GRAMD2B: variants seen among roughly 807,000 people sequenced by gnomAD.
GRAMD2B encodes the protein GRAM domain-containing protein 2B.
Under a neutral mutation model 59.2 loss-of-function variants are expected in GRAMD2B, and 41 were observed. That is an observed-to-expected ratio of 0.69 (90% confidence interval 0.54 to 0.90). GRAMD2B has a LOEUF of 0.90. Ranked by LOEUF, GRAMD2B falls within the 40% of genes least tolerant of loss-of-function variation. The probability of loss-of-function intolerance (pLI) is 0.00; values close to 1 mark genes in which losing one functional copy is unlikely to be tolerated. For missense variants in GRAMD2B, 424 were observed against 500.5 expected (o/e 0.85, Z 1.46); for synonymous variants, 161 against 182.7 (o/e 0.88, Z 0.96).
intron 1 of GRAMD2B, among the ~76,000 whole-genome samples, chr5:126,407,263 T>C (rs1758341421): frequency 6.6e-6 from 1 of 151,946 alleles, no homozygotes. Flanking sequence ...CTAGTATAGA[T>C]TGGCTATCAA....
intron 1 of GRAMD2B, among the ~76,000 whole-genome samples, chr5:126,455,672 G>C (rs1180712677): frequency 6.6e-6 from 1 of 152,148 alleles, no homozygotes; most frequent in African/African-American, 2.4e-5. Context: ...CAATCCAAAG[G>C]ACTGTTTTAT....
At chr5:126,402,120 C>A in intron 1 of GRAMD2B, among the ~76,000 whole-genome samples, 1 of 152,070 alleles carries the variant, frequency 6.6e-6, no homozygotes. Flanking sequence ...CAGCCTCCAT[C>A]CTGTTCTAGT....
intron 1 of GRAMD2B, among the ~76,000 whole-genome samples, chr5:126,391,425 T>A (rs1406034081): frequency 1.3e-5 from 2 of 151,012 alleles, no homozygotes; most frequent in Non-Finnish European, 2.9e-5. Flanking sequence ...TACATGGATA[T>A]CCACAGCAGT....
In GRAMD2B at chr5:126,472,365, G is replaced by A. The variant is rs956706302; in HGVS notation, c.382+61G>A. The A allele has an allele frequency of 1.1e-5, 16 of 1,409,054 alleles. No homozygotes were observed. In the East Asian group the frequency reaches 3.4e-4, roughly 30 times the overall value. The allele number at this position is 1,409,054 out of a possible 1,614,324, so 87.3% of individuals were successfully genotyped here. A position where few individuals can be genotyped will look rare whatever the true frequency, so the allele number is the denominator to read the frequency against. On this transcript the variant is annotated intron_variant, in intron 4 of 13. Coordinates refer to ENST00000285689, the MANE Select transcript of GRAMD2B (RefSeq NM_023927.4). ...ATTTGAAAAGTTGATCATTAGTTTT[G>A]GGGAAGAAAAAGGGCATAGTCCATG...
At position 126,465,503 on chromosome 5, in the gene GRAMD2B, T is replaced by C. The variant is rs1464551883; in HGVS notation, c.161T>C (p.Val54Ala). The change falls in exon 2 of 14, where the codon GTG (valine) becomes GCG (alanine). Residue 54 changes from valine to alanine, a missense_variant. Transcript: ENST00000285689. Reference protein sequence around the residue: ...SPTAQSPTPSVEADSPDQKKI... With the variant: ...SPTAQSPTPSAEADSPDQKKI... ...ACAGCCCAATCCCCTACCCCATCTG[T>C]GGAGGCGGACTCCCCAGACCAGAAG... The C allele has an allele frequency of 7.4e-6, 12 of 1,614,148 alleles. No homozygotes were observed. Among genetic ancestry groups the C allele is most frequent in the South Asian group, 1.1e-5 (1 of 91,082 alleles).
intron 1 of GRAMD2B, among the ~76,000 whole-genome samples, chr5:126,408,869 G>C (rs1385016814): frequency 8.0e-6 from 1 of 124,740 alleles, no homozygotes; most frequent in Non-Finnish European, 1.6e-5. Flanking sequence ...TCCCCAGAGT[G>C]TGATGTTCCC....
At chr5:126,376,159 T>A (rs1223497142) in intron 1 of GRAMD2B, among the ~76,000 whole-genome samples, 2 of 152,234 alleles carry the variant, frequency 1.3e-5, no homozygotes, top group African/African-American at 4.8e-5. Flanking sequence ...AATTAGCCAT[T>A]AGGCAAAAGT....
chr5:126,475,528 G>A (rs1770413311), intron 5 of GRAMD2B, among the ~76,000 whole-genome samples: 1 of 152,172 alleles, frequency 6.6e-6, no homozygotes. Flanking sequence ...GTTGTGAGTA[G>A]AGTTCTTTGG....
upstream of GRAMD2B, among the ~76,000 whole-genome samples, chr5:126,370,299 T>C (rs1286165552): frequency 6.6e-6 from 1 of 152,140 alleles, no homozygotes; most frequent in Non-Finnish European, 1.5e-5. Flanking sequence ...AGGTTAGCAG[T>C]TGGTTAGAGC....
rs1188361071 is a variant in GRAMD2B at position 126,492,985 on chromosome 5, A to T, written c.*29A>T. ...ACCAGATTGCTTGGGCCATCGGAAT[A>T]CCTCATGTTTCCCTTTGAAGAAGGT... On this transcript the variant is annotated 3_prime_UTR_variant, in exon 14 of 14. Transcript: ENST00000285689. 2 of 1,594,510 alleles carry T rather than the reference A, an allele frequency of 1.3e-6. No individual in the cohort carries two copies. The highest frequency in any genetic ancestry group is 1.7e-6 in the Non-Finnish European group (2 of 1,162,690).
upstream of GRAMD2B, among the ~76,000 whole-genome samples, chr5:126,421,327 G>C (rs1163913255): frequency 6.6e-6 from 1 of 152,226 alleles, no homozygotes; most frequent in Non-Finnish European, 1.5e-5. Flanking sequence ...AGAAGTTGGA[G>C]TGCACCTGAG....
intron 1 of GRAMD2B, among the ~76,000 whole-genome samples, chr5:126,372,751 A>C (rs1196296278): frequency 3.9e-5 from 6 of 152,170 alleles, no homozygotes; most frequent in Non-Finnish European, 8.8e-5. Flanking sequence ...AAAAAATAAA[A>C]ATAAAATAAA....
Position 126,423,527 on chromosome 5 carries a change from A to T in GRAMD2B, c.-80A>T. ...ACGGCGCCGCTTGCTTGGCCTGCGCACCCGGACCTAGAAGCCGGGACGAGC... is the reference window on the plus strand; with the variant it reads ...ACGGCGCCGCTTGCTTGGCCTGCGCTCCCGGACCTAGAAGCCGGGACGAGC... On this transcript the variant is annotated 5_prime_UTR_variant, in exon 1 of 14. Transcript: ENST00000285689. 6.4e-7 allele frequency: 1 copy of T among 1,558,332 alleles called. No homozygotes were observed. Among genetic ancestry groups the T allele is most frequent in the East Asian group, 2.4e-5 (1 of 42,140 alleles).
chr5:126,414,192 T>C (rs1039790981), intron 1 of GRAMD2B, among the ~76,000 whole-genome samples: 6 of 152,194 alleles, frequency 3.9e-5, no homozygotes, highest in Non-Finnish European at 8.8e-5. Flanking sequence ...CATCACCTGA[T>C]TCTTTGTAGT....
At chr5:126,474,526 T>C (rs572188956) in intron 5 of GRAMD2B, among the ~76,000 whole-genome samples, 1 of 152,300 alleles carries the variant, frequency 6.6e-6, no homozygotes, top group Non-Finnish European at 1.5e-5. Flanking sequence ...ATTTCATATA[T>C]TTCTACATTT....
Position 126,480,528 on chromosome 5 carries a change from G to A in GRAMD2B, c.654+1G>A. ...AAAATCTGTGTGTGGACACTTAGAA[G>A]TGAGTATGATGTCCCTGAGCCTCAA... is the stretch of plus-strand genomic sequence containing the variant. On this transcript the variant is annotated splice_donor_variant, in intron 7 of 13. Coordinates refer to ENST00000285689, the MANE Select transcript of GRAMD2B (RefSeq NM_023927.4). LOFTEE classifies it high-confidence loss of function. 1 of 1,611,890 alleles carries A rather than the reference G, an allele frequency of 6.2e-7. No individual in the cohort carries two copies. The highest frequency in any genetic ancestry group is 8.5e-7 in the Non-Finnish European group (1 of 1,177,956).
intron 1 of GRAMD2B, among the ~76,000 whole-genome samples, chr5:126,458,619 T>C (rs1272595694): frequency 6.6e-6 from 1 of 152,168 alleles, no homozygotes; most frequent in Non-Finnish European, 1.5e-5. Flanking sequence ...CACGGTTGTA[T>C]ATAACTAGCT....
At chr5:126,373,264 T>C (rs973333962) in intron 1 of GRAMD2B, among the ~76,000 whole-genome samples, 1 of 152,188 alleles carries the variant, frequency 6.6e-6, no homozygotes, top group African/African-American at 2.4e-5. Flanking sequence ...TGAAAATAAT[T>C]TGTGGAAGCA....
In GRAMD2B at chr5:126,447,535, G is replaced by A. The variant is rs573138240; in HGVS notation, c.84-17891G>A. 1.3e-4 allele frequency among the ~76,000 whole-genome samples: 20 copies of A among 152,136 alleles called. No homozygotes were observed. In the South Asian group the frequency reaches 2.1e-3, roughly 16 times the overall value. On this transcript the variant is annotated intron_variant, in intron 1 of 13. Coordinates refer to ENST00000285689, the MANE Select transcript of GRAMD2B (RefSeq NM_023927.4). ...AAAAATTAGCCGGGCGTGGTGGCGG[G>A]CGCCTGTAGTCCCAGCTACTCAGGA... is the stretch of plus-strand genomic sequence containing the variant.
Sources: gnomAD v4.1 joint callset for allele counts (sites outside exome capture counted in the v4.1 genomes callset) on GRCh38, gnomAD v4.1.1 for gene constraint, MANE v1.5 for transcripts, NCBI Gene and HGNC (gene_info 2026-07-23, HGNC 2026-07-21) for gene names.